Variants in NDFIP2 observed in about 807,000 individuals in gnomAD.
NDFIP2 encodes NEDD4 family-interacting protein 2.
NDFIP2 carries 19 observed loss-of-function variants against 36.0 expected under a neutral mutation model. The ratio of observed to expected loss-of-function variants is 0.53; its 90% CI spans 0.37 to 0.77. The LOEUF is 0.77. Ranked by LOEUF, NDFIP2 falls within the 30% of genes least tolerant of loss-of-function variation. The pLI is 0.00. For missense variants in NDFIP2, 446 were observed against 435.8 expected (o/e 1.02, Z -0.21); for synonymous variants, 181 against 167.7 (o/e 1.08, Z -0.61).
chr13:79,533,196 TATAAC>T, intron 2 of NDFIP2, 122 bp from the exon 3 acceptor site: 1 of 618,118 alleles, frequency 1.6e-6, no homozygotes, highest in Middle Eastern at 4.4e-4. Context: ...TTTTATAGCT[TATAAC>T]ATAGGCCTAT....
chr13:79,538,978 G>T (rs1875353445), intron 3 of NDFIP2, among the ~76,000 whole-genome samples: 1 of 152,220 alleles, frequency 6.6e-6, no homozygotes, highest in African/African-American at 2.4e-5. Context: ...AGGCTTTGCA[G>T]TGTACAGCTC....
At chr13:79,542,275 A>T (rs1255145411) in intron 4 of NDFIP2, among the ~76,000 whole-genome samples, 1 of 152,196 alleles carries the variant, frequency 6.6e-6, no homozygotes, top group Non-Finnish European at 1.5e-5. Flanking sequence ...ATAAGTAATC[A>T]CCTGCATTAT....
At chr13:79,529,335 AT>A (rs537385966) in intron 2 of NDFIP2, among the ~76,000 whole-genome samples, 242 of 150,490 alleles carry the variant, frequency 1.6e-3, no homozygotes, top group African/African-American at 3.6e-3. Flanking sequence ...AGTGGTAGGG[AT>A]TTTTTTTTTC....
At chr13:79,515,792 C>G (rs537359596) in intron 1 of NDFIP2, among the ~76,000 whole-genome samples, 245 of 152,004 alleles carry the variant, frequency 1.6e-3, no homozygotes, top group African/African-American at 5.7e-3. Flanking sequence ...GGTAGCTCAC[C>G]TTCTTCTTGG....
At chr13:79,483,647 GT>G (rs564830007) in intron 1 of NDFIP2, among the ~76,000 whole-genome samples, 46 of 152,298 alleles carry the variant, frequency 3.0e-4, no homozygotes, top group African/African-American at 1.0e-3. Context: ...TACTTAAAGA[GT>G]TTAAAAACAG....
In NDFIP2 at chr13:79,536,637, A is replaced by C. The variant is rs17071570; in HGVS notation, c.622-3045A>C. On this transcript the variant is annotated intron_variant, in intron 3 of 7. Transcript: ENST00000218652. The stretch of plus-strand genomic sequence containing the variant: ...TTACTTAATAGTTAAATTCCCTGTA[A>C]TCAATATGCTATTGAAACTTAGTGG... Among the ~76,000 whole-genome samples, 983 of 152,292 alleles carry C rather than the reference A, an allele frequency of 6.5e-3. 12 individuals carry two copies. Among genetic ancestry groups the C allele is most frequent in the African/African-American group, 0.022 (934 of 41,566 alleles).
chr13:79,547,902 C>T (rs1875748742), intron 5 of NDFIP2, among the ~76,000 whole-genome samples: 1 of 152,056 alleles, frequency 6.6e-6, no homozygotes, highest in Non-Finnish European at 1.5e-5. Flanking sequence ...AGAACACCCC[C>T]ATCTGATAAG....
intron 1 of NDFIP2, among the ~76,000 whole-genome samples, chr13:79,487,739 G>T (rs967355143): frequency 1.3e-5 from 2 of 151,954 alleles, no homozygotes; most frequent in South Asian, 2.1e-4. Flanking sequence ...ACCATTCTGG[G>T]TTTATTAAAT....
intron 1 of NDFIP2, among the ~76,000 whole-genome samples, chr13:79,486,163 A>T (rs1490970606): frequency 6.6e-6 from 1 of 152,372 alleles, no homozygotes; most frequent in East Asian, 1.9e-4. Context: ...TCCAAAAAAA[A>T]TCTGAAATCC....
chr13:79,511,208 G>C (rs1874071582), intron 1 of NDFIP2, among the ~76,000 whole-genome samples: 1 of 152,122 alleles, frequency 6.6e-6, no homozygotes, highest in Non-Finnish European at 1.5e-5. Context: ...TCCCACAAAA[G>C]ATAGCTTTTC....
intron 2 of NDFIP2, among the ~76,000 whole-genome samples, chr13:79,525,462 C>T (rs1269804453): frequency 2.6e-5 from 4 of 152,104 alleles, no homozygotes; most frequent in Non-Finnish European, 5.9e-5. Flanking sequence ...CACTTTTTCA[C>T]TTACAGGTAG....
In NDFIP2 at chr13:79,555,738, C is replaced by T. The variant is rs1324902640; in HGVS notation, c.*3225C>T. On this transcript the variant is annotated 3_prime_UTR_variant, in exon 8 of 8. Coordinates refer to ENST00000218652, the MANE Select transcript of NDFIP2 (RefSeq NM_019080.3). ...ATGAAAACATATATTTGATAAAGGT[C>T]AATTGTTAGATGATAATGTGCCATT... is the stretch of plus-strand genomic sequence containing the variant. 1 of 151,846 alleles carries T rather than the reference C, an allele frequency of 6.6e-6. No homozygotes were observed. The highest frequency in any genetic ancestry group is 1.9e-4 in the East Asian group (1 of 5,188). 9.4% of individuals were successfully genotyped at this position (151,846 alleles called of 1,614,324 possible). A position where few individuals can be genotyped will look rare whatever the true frequency, so the allele number is the denominator to read the frequency against.
At chr13:79,521,434 T>C (rs190236917) in intron 2 of NDFIP2, among the ~76,000 whole-genome samples, 35 of 152,354 alleles carry the variant, frequency 2.3e-4, no homozygotes, top group African/African-American at 7.9e-4. Flanking sequence ...TGATTTAGTA[T>C]ACTATCTGAT....
chr13:79,502,327 A>G (rs1873698030), intron 1 of NDFIP2, among the ~76,000 whole-genome samples: 2 of 152,190 alleles, frequency 1.3e-5, no homozygotes, highest in Admixed American at 1.3e-4. Flanking sequence ...TAAAAAGGAC[A>G]AAAGAATTCT....
chr13:79,512,909 G>T (rs1238767852), intron 1 of NDFIP2, among the ~76,000 whole-genome samples: 2 of 152,142 alleles, frequency 1.3e-5, no homozygotes, highest in African/African-American at 4.8e-5. Context: ...CTAAATTATG[G>T]TCTCCAAGCC....
intron 1 of NDFIP2, among the ~76,000 whole-genome samples, chr13:79,487,432 G>A (rs1489925291): frequency 6.6e-6 from 1 of 151,998 alleles, no homozygotes. Flanking sequence ...TTGATATTTG[G>A]GTTTTTAGTT....
At chr13:79,512,632 A>T (rs1245163449) in intron 1 of NDFIP2, among the ~76,000 whole-genome samples, 2 of 152,194 alleles carry the variant, frequency 1.3e-5, no homozygotes, top group Non-Finnish European at 2.9e-5. Context: ...ATTTGTGGAA[A>T]GGTATATTGA....
intron 2 of NDFIP2, among the ~76,000 whole-genome samples, chr13:79,527,600 G>A (rs1366654896): frequency 6.6e-6 from 1 of 152,148 alleles, no homozygotes; most frequent in East Asian, 1.9e-4. Flanking sequence ...TTGTGGCAGT[G>A]TTGGTGTAAA....
At chr13:79,511,963 C>T (rs1257984664) in intron 1 of NDFIP2, among the ~76,000 whole-genome samples, 1 of 152,112 alleles carries the variant, frequency 6.6e-6, no homozygotes, top group Non-Finnish European at 1.5e-5. Context: ...CTTTTAAAAC[C>T]TCTTAATGTT....
Sources: allele counts gnomAD v4.1 joint callset (sites outside exome capture counted in the v4.1 genomes callset), GRCh38; gene constraint gnomAD v4.1.1; transcripts MANE v1.5; gene names NCBI Gene and HGNC (gene_info 2026-07-23, HGNC 2026-07-21).